Variants in PLXDC2 observed in about 807,000 individuals in gnomAD.
The protein encoded by PLXDC2 is plexin domain containing 2, also known as plexin domain-containing protein 2.
Under a neutral mutation model 68.9 loss-of-function variants are expected in PLXDC2, and 40 were observed. The ratio of observed to expected loss-of-function variants is 0.58; its 90% CI spans 0.45 to 0.76. PLXDC2 has a LOEUF of 0.76. PLXDC2 is among the 30% of genes least tolerant of loss of function. The pLI is 0.00. For missense variants in PLXDC2, 644 were observed against 661.9 expected (o/e 0.97, Z 0.30); for synonymous variants, 243 against 234.2 (o/e 1.04, Z -0.34).
chr10:19,836,434 T>C (rs1464249128), intron 1 of PLXDC2, among the ~76,000 whole-genome samples: 1 of 152,176 alleles, frequency 6.6e-6, no homozygotes, highest in Non-Finnish European at 1.5e-5. Flanking sequence ...TAAAAAGGCT[T>C]TCTTTTATCA....
intron 1 of PLXDC2, among the ~76,000 whole-genome samples, chr10:19,856,379 GAC>G (rs34129216): frequency 0.19 from 26,731 of 143,874 alleles, 2,347 homozygotes; most frequent in East Asian, 0.37. Context: ...CACACACACA[GAC>G]ACACACACAC....
chr10:20,187,176 G>C (rs768092616), intron 9 of PLXDC2, among the ~76,000 whole-genome samples: 25 of 151,758 alleles, frequency 1.6e-4, no homozygotes, highest in Non-Finnish European at 3.1e-4. Context: ...GGCACAGCCA[G>C]CAATAAACAA....
chr10:20,104,208 G>T (rs1362019851), intron 4 of PLXDC2, among the ~76,000 whole-genome samples: 1 of 152,168 alleles, frequency 6.6e-6, no homozygotes, highest in Non-Finnish European at 1.5e-5. Context: ...AACGCAATGA[G>T]ATTACTGACA....
intron 1 of PLXDC2, among the ~76,000 whole-genome samples, chr10:19,948,994 G>A (rs963590874): frequency 2.0e-5 from 3 of 151,616 alleles, no homozygotes; most frequent in Admixed American, 6.6e-5. Context: ...TCTGGGCATG[G>A]TAGTGGGCAC....
intron 4 of PLXDC2, among the ~76,000 whole-genome samples, chr10:20,094,245 A>G (rs927416443): frequency 1.3e-5 from 2 of 152,222 alleles, no homozygotes; most frequent in African/African-American, 4.8e-5. Flanking sequence ...TAATTTGGGT[A>G]TGGCTTAAAA....
chr10:19,841,537 GTTTT>G (rs34818991), intron 1 of PLXDC2, among the ~76,000 whole-genome samples: 5 of 127,166 alleles, frequency 3.9e-5, no homozygotes, highest in Non-Finnish European at 8.3e-5. Context: ...GTGTTTCAGG[GTTTT>G]TTTTTTTTTT....
At chr10:19,967,769 GATC>G (rs551357342) in intron 1 of PLXDC2, among the ~76,000 whole-genome samples, 175 of 152,282 alleles carry the variant, frequency 1.1e-3, no homozygotes, top group African/African-American at 3.4e-3. Flanking sequence ...TAAAAAATCA[GATC>G]ATCCTGCATC....
chr10:20,009,526 A>C (rs1213321494), intron 2 of PLXDC2, among the ~76,000 whole-genome samples: 1 of 151,926 alleles, frequency 6.6e-6, no homozygotes, highest in Non-Finnish European at 1.5e-5. Context: ...AAATCTTCCA[A>C]ATGCTTGTAG....
intron 4 of PLXDC2, among the ~76,000 whole-genome samples, chr10:20,106,524 C>A (rs1160532211): frequency 2.6e-5 from 4 of 152,166 alleles, no homozygotes; most frequent in Non-Finnish European, 4.4e-5. Context: ...CCCCTCTAAC[C>A]CCCTTCACCA....
At chr10:20,197,578 G>A (rs551744058) in intron 9 of PLXDC2, among the ~76,000 whole-genome samples, 22 of 152,096 alleles carry the variant, frequency 1.4e-4, no homozygotes, top group Non-Finnish European at 2.6e-4. Flanking sequence ...GGATGGTCTT[G>A]ATCTCTTGAC....
At chr10:19,950,779 C>T (rs935585540) in intron 1 of PLXDC2, among the ~76,000 whole-genome samples, 5 of 152,142 alleles carry the variant, frequency 3.3e-5, no homozygotes. Flanking sequence ...AACAAAACAG[C>T]ATGGTACTGG....
intron 4 of PLXDC2, among the ~76,000 whole-genome samples, chr10:20,107,101 C>T (rs1208415934): frequency 6.8e-6 from 1 of 148,068 alleles, no homozygotes; most frequent in Non-Finnish European, 1.5e-5. Flanking sequence ...TATATATATA[C>T]TATAGTATAT....
intron 6 of PLXDC2, among the ~76,000 whole-genome samples, chr10:20,161,437 T>C (rs1180409517): frequency 5.9e-5 from 9 of 151,716 alleles, no homozygotes; most frequent in African/African-American, 1.9e-4. Flanking sequence ...AAGCAGTTTT[T>C]CAAGTCTCTC....
At chr10:19,828,893 A>T (rs761646380) in intron 1 of PLXDC2, among the ~76,000 whole-genome samples, 1 of 151,922 alleles carries the variant, frequency 6.6e-6, no homozygotes, top group African/African-American at 2.4e-5. Context: ...TTCCCACCTT[A>T]CCTCCAAAGT....
intron 9 of PLXDC2, among the ~76,000 whole-genome samples, chr10:20,187,364 A>T (rs1329305208): frequency 3.3e-5 from 5 of 151,820 alleles, no homozygotes; most frequent in African/African-American, 4.8e-5. Flanking sequence ...TAATTGACAT[A>T]ACAATTATAC....
intron 1 of PLXDC2, among the ~76,000 whole-genome samples, chr10:19,865,460 C>T (rs529236419): frequency 3.3e-4 from 51 of 152,290 alleles, no homozygotes; most frequent in Admixed American, 9.8e-4. Context: ...CGAGGTTCTG[C>T]CCTCTCATTA....
intron 4 of PLXDC2, among the ~76,000 whole-genome samples, chr10:20,107,158 A>G (rs1833502885): frequency 1.3e-5 from 2 of 151,216 alleles, no homozygotes; most frequent in Admixed American, 1.3e-4. Context: ...TATGTACTGC[A>G]TGCTATACTC....
At chr10:19,915,336 T>A (rs1334525549) in intron 1 of PLXDC2, among the ~76,000 whole-genome samples, 1 of 152,188 alleles carries the variant, frequency 6.6e-6, no homozygotes, top group Non-Finnish European at 1.5e-5. Flanking sequence ...CATCTGAAAC[T>A]TATCAAAGTC....
chr10:20,113,549 G>A (rs906769012), intron 4 of PLXDC2, among the ~76,000 whole-genome samples: 2 of 152,036 alleles, frequency 1.3e-5, no homozygotes, highest in Admixed American at 6.6e-5. Context: ...GATAGACAGC[G>A]AATTATTCTC....
Sources: gnomAD v4.1 joint callset for allele counts (sites outside exome capture counted in the v4.1 genomes callset) on GRCh38, gnomAD v4.1.1 for gene constraint, MANE v1.5 for transcripts, NCBI Gene and HGNC (gene_info 2026-07-23, HGNC 2026-07-21) for gene names.